Variants in MAN2B2 observed in about 807,000 individuals in gnomAD.
MAN2B2 encodes the protein epididymis-specific alpha-mannosidase.
MAN2B2 carries 106 observed loss-of-function variants against 117.1 expected under a neutral mutation model. The ratio of observed to expected loss-of-function variants is 0.90; its 90% CI spans 0.77 to 1.06. The LOEUF (loss-of-function observed/expected upper bound fraction) is 1.06, where lower values mean the gene tolerates loss of function less well. MAN2B2 is among the 50% of genes least tolerant of loss of function. MAN2B2 has a pLI of 0.00. For missense variants in MAN2B2, 1,326 were observed against 1,381.4 expected (o/e 0.96, Z 0.64); for synonymous variants, 544 against 595.1 (o/e 0.91, Z 1.25).
At chr4:6,613,162 G>A (rs191502696) in intron 15 of MAN2B2, among the ~76,000 whole-genome samples, 198 of 152,292 alleles carry the variant, frequency 1.3e-3, no homozygotes, top group African/African-American at 4.1e-3. Flanking sequence ...CATGGCCTGG[G>A]GTATTGTAAG....
chr4:6,607,801 C>A (rs939233428), intron 11 of MAN2B2, among the ~76,000 whole-genome samples: 6 of 152,186 alleles, frequency 3.9e-5, no homozygotes, highest in Admixed American at 6.5e-5. Context: ...CTTTGAGGAA[C>A]TGCCCGACCG....
chr4:6,605,434 A>C, intron 11 of MAN2B2, 105 bp downstream of exon 11: 1 of 1,349,342 alleles, frequency 7.4e-7, no homozygotes, highest in Non-Finnish European at 9.9e-7. Context: ...TGGGGGAAGG[A>C]CAGATGGTGG....
rs1727702277 is a variant in MAN2B2, at chr4:6,609,918, G to A, written c.2127G>A (p.Leu709=). Reference sequence around the variant, plus strand: ...AGCAGGAGTACCAAGCCGGCCCCCTGGAGCTGAACCGTGAGGCTGTCCTGA... The same window carrying A: ...AGCAGGAGTACCAAGCCGGCCCCCTAGAGCTGAACCGTGAGGCTGTCCTGA... The part of the protein sequence containing the change: ...RIEQEYQAGP[L]ELNREAVLRT... The change falls in exon 13 of 19, where the codon CTG becomes CTA. Residue 709 remains leucine (L), a synonymous_variant. Coordinates refer to ENST00000285599, the MANE Select transcript of MAN2B2 (RefSeq NM_015274.3). 6.2e-7 allele frequency: 1 copy of A among 1,614,030 alleles called. No homozygotes were observed. Among genetic ancestry groups the A allele is most frequent in the Admixed American group, 1.7e-5 (1 of 60,004 alleles).
rs201128471 is a variant in MAN2B2, at chr4:6,609,188, C to T, written c.1896C>T (p.Ser632=). The change falls in exon 12 of 19, where the codon TCC becomes TCT. Residue 632 remains serine, a synonymous_variant. Coordinates refer to ENST00000285599, the MANE Select transcript of MAN2B2 (RefSeq NM_015274.3). Reference sequence around the variant, plus strand: ...GGGATGTGAAACAGGGCCCCATTTCCGATAACTACCTGTTCACACCGGGCA... The same window carrying T: ...GGGATGTGAAACAGGGCCCCATTTCTGATAACTACCTGTTCACACCGGGCA... ...VNGDVKQGPI[S]DNYLFTPGKA... is the part of the protein sequence containing the mutation. 1.9e-5 allele frequency: 30 copies of T among 1,614,224 alleles called. No individual in the cohort carries two copies. The highest frequency in any genetic ancestry group is 1.8e-4 in the East Asian group (8 of 44,882).
At chr4:6,605,772 T>G (rs1314427351) in intron 11 of MAN2B2, among the ~76,000 whole-genome samples, 1 of 151,068 alleles carries the variant, frequency 6.6e-6, no homozygotes, top group Non-Finnish European at 1.5e-5. Context: ...ATCCACCCAA[T>G]TATCCACCCA....
rs149325410 is a variant in MAN2B2 at position 6,605,270 on chromosome 4, C to T, written c.1755C>T (p.Asn585=). Residue 585 remains asparagine, a synonymous_variant, in exon 11 of 19, where the codon AAC becomes AAT. Coordinates refer to ENST00000285599, the MANE Select transcript of MAN2B2 (RefSeq NM_015274.3). ...HAGRYLVPVA[N]DCYIVLLDQD... ...GCAGGTACTTGGTGCCTGTGGCAAA[C>T]GACTGCTACATTGTGCTGCTCGACC... 4,706 of 1,614,166 alleles carry T rather than the reference C, an allele frequency of 2.9e-3. 26 individuals are homozygous for T. The highest frequency in any genetic ancestry group is 0.021 in the Middle Eastern group (126 of 6,058).
chr4:6,620,663 G>GCC, intron 18 of MAN2B2: 1 of 161,716 alleles, frequency 6.2e-6, no homozygotes, highest in Non-Finnish European at 1.3e-5. Context: ...GTTGGTGGTG[G>GCC]GAGGAAGGAA....
chr4:6,575,985 C>T (rs1391330199), intron 1 of MAN2B2, among the ~76,000 whole-genome samples: 1 of 152,174 alleles, frequency 6.6e-6, no homozygotes, highest in Non-Finnish European at 1.5e-5. Context: ...ACTCCCTGCT[C>T]GGTGCTCCTT....
chr4:6,615,083 A>G (rs541964917), intron 16 of MAN2B2, among the ~76,000 whole-genome samples: 1 of 152,302 alleles, frequency 6.6e-6, no homozygotes, highest in East Asian at 1.9e-4. Context: ...AAGGCCTGGC[A>G]CACCTGCAGA....
At chr4:6,578,078 C>A (rs533161192) in intron 2 of MAN2B2, among the ~76,000 whole-genome samples, 9 of 152,120 alleles carry the variant, frequency 5.9e-5, no homozygotes, top group Admixed American at 2.6e-4. Flanking sequence ...GATGAGTGAA[C>A]CTTGGGAAAG....
At chr4:6,611,039 G>T (rs762494558) in intron 14 of MAN2B2, 47 bp from the exon 15 acceptor site, 16 of 1,612,522 alleles carry the variant, frequency 9.9e-6, no homozygotes, top group Non-Finnish European at 1.3e-5. Context: ...CCCCCTACAG[G>T]CATGCCCAGG....
rs772576914 is a variant in MAN2B2, at chr4:6,600,746, T to C, written c.1529T>C (p.Val510Ala). 9 of 1,613,398 alleles carry C rather than the reference T, an allele frequency of 5.6e-6. No individual in the cohort carries two copies. In the African/African-American group the frequency reaches 1.2e-4, roughly 22 times the overall value. ...VRVTDEAGHP[V>A]PSQIQNSTET... ...GTCACAGATGAGGCGGGCCACCCAG[T>C]GCCCTCGCAGGTATGGACACAAAAT... The change falls in exon 10 of 19, where the codon GTG becomes GCG. Residue 510 changes from valine (V) to alanine (A), a missense_variant. Physicochemically the swap from Val to Ala is moderately conservative, Grantham distance 64 (BLOSUM62 0). Transcript: ENST00000285599.
intron 5 of MAN2B2, among the ~76,000 whole-genome samples, chr4:6,589,532 C>T (rs752026383): frequency 2.0e-5 from 3 of 152,144 alleles, no homozygotes; most frequent in African/African-American, 4.8e-5. Flanking sequence ...TGAGCCGCCG[C>T]GCCCAGCCCT....
intron 3 of MAN2B2, among the ~76,000 whole-genome samples, chr4:6,579,392 CCAT>C (rs1726327627): frequency 9.7e-6 from 1 of 103,584 alleles, no homozygotes; most frequent in African/African-American, 3.0e-5. Context: ...CTACCCTTCA[CCAT>C]CACCACCACC....
intron 9 of MAN2B2, among the ~76,000 whole-genome samples, chr4:6,599,470 G>A (rs937602584): frequency 6.6e-6 from 1 of 151,924 alleles, no homozygotes; most frequent in Admixed American, 6.6e-5. Context: ...AGACCATCCT[G>A]GCTAACACGG....
chr4:6,602,531 GGACGTCAGCCATTTGAGGGGACACA>G (rs1450106136), intron 10 of MAN2B2, among the ~76,000 whole-genome samples: 4 of 152,184 alleles, frequency 2.6e-5, no homozygotes, highest in Non-Finnish European at 4.4e-5. Flanking sequence ...CTTGGAATCC[GGACGTCAGCCATTTGAGGGGACACA>G]GACATTCAGT....
chr4:6,620,125 C>T, intron 18 of MAN2B2, 81 bp downstream of exon 18: 1 of 1,210,518 alleles, frequency 8.3e-7, no homozygotes, highest in East Asian at 2.6e-5. Context: ...GCACATCCAA[C>T]CATCTGCCTG....
chr4:6,615,928 C>T (rs565506140), intron 16 of MAN2B2, among the ~76,000 whole-genome samples: 2 of 152,230 alleles, frequency 1.3e-5, no homozygotes, highest in East Asian at 1.9e-4. Context: ...CTCAGCCTCC[C>T]GAGTAGCTGG....
chr4:6,617,676 T>C, intron 17 of MAN2B2, 184 bp downstream of exon 17: 2 of 1,204,292 alleles, frequency 1.7e-6, no homozygotes, highest in Non-Finnish European at 1.1e-6. Flanking sequence ...GGCCTGGTTT[T>C]TTAGGGTTTT....
Sources: allele counts gnomAD v4.1 joint callset (sites outside exome capture counted in the v4.1 genomes callset), GRCh38; gene constraint gnomAD v4.1.1; transcripts MANE v1.5; gene names NCBI Gene and HGNC (gene_info 2026-07-23, HGNC 2026-07-21).